Variants in KCNN2 observed in about 807,000 individuals in gnomAD.
The protein encoded by KCNN2 is small conductance calcium-activated potassium channel protein 2.
In KCNN2, 24 loss-of-function variants were observed where a neutral mutation model predicts 55.5. The ratio of observed to expected loss-of-function variants is 0.43; its 90% confidence interval spans 0.31 to 0.61. KCNN2 has a LOEUF of 0.61. Among genes scored for constraint, KCNN2 ranks in the 20% least tolerant of loss-of-function variants. The pLI is 0.08. For missense variants in KCNN2, 754 were observed against 853.6 expected, an observed-to-expected ratio of 0.88 and a Z score of 1.45; for synonymous variants, 431 against 336.1, an observed-to-expected ratio of 1.28 and a Z score of -3.09.
intron 3 of KCNN2, among the ~76,000 whole-genome samples, chr5:114,455,954 G>T (rs1760904457): frequency 6.6e-6 from 1 of 152,210 alleles, no homozygotes; most frequent in South Asian, 2.1e-4. Flanking sequence ...TTTAAGGAAA[G>T]AAACCATCTT....
intron 7 of KCNN2, among the ~76,000 whole-genome samples, chr5:114,494,115 A>G: frequency 6.6e-6 from 1 of 152,064 alleles, no homozygotes; most frequent in East Asian, 1.9e-4. Context: ...CCCATTCTTA[A>G]AACATAAATA....
intron 1 of KCNN2, among the ~76,000 whole-genome samples, chr5:114,153,537 A>G (rs1752569048): frequency 6.6e-6 from 1 of 152,184 alleles, no homozygotes; most frequent in Non-Finnish European, 1.5e-5. Flanking sequence ...GCTAGGGTTT[A>G]TGTGTTTCTT....
chr5:114,158,136 G>T (rs1019318184), intron 1 of KCNN2, among the ~76,000 whole-genome samples: 1 of 151,866 alleles, frequency 6.6e-6, no homozygotes, highest in East Asian at 1.9e-4. Context: ...TATGGTTTTA[G>T]GTCTAACATG....
At chr5:114,489,271 A>T (rs1367035155) in intron 6 of KCNN2, among the ~76,000 whole-genome samples, 1 of 152,084 alleles carries the variant, frequency 6.6e-6, no homozygotes, top group Non-Finnish European at 1.5e-5. Context: ...CTTTGCCGTT[A>T]GGTTATTACG....
intron 5 of KCNN2, among the ~76,000 whole-genome samples, chr5:114,478,073 C>G (rs1259965467): frequency 6.6e-6 from 1 of 152,092 alleles, no homozygotes; most frequent in Non-Finnish European, 1.5e-5. Context: ...GCCTCATACA[C>G]CTGACCTAAA....
intron 1 of KCNN2, among the ~76,000 whole-genome samples, chr5:114,110,537 G>T (rs777971862): frequency 6.6e-6 from 1 of 151,966 alleles, no homozygotes; most frequent in African/African-American, 2.4e-5. Context: ...TGATTGTCAG[G>T]GTACTCCTCT....
intron 1 of KCNN2, among the ~76,000 whole-genome samples, chr5:114,202,656 G>T (rs939044137): frequency 1.4e-5 from 2 of 143,446 alleles, no homozygotes; most frequent in Non-Finnish European, 3.0e-5. Flanking sequence ...GCGCGATCTC[G>T]GCTCACTGCA....
chr5:114,291,496 A>T (rs1238846100), intron 2 of KCNN2, among the ~76,000 whole-genome samples: 3 of 152,170 alleles, frequency 2.0e-5, no homozygotes, highest in African/African-American at 7.2e-5. Context: ...AATTTCATCC[A>T]TGTCCCTACA....
At chr5:114,132,510 T>G (rs1295018245) in intron 1 of KCNN2, among the ~76,000 whole-genome samples, 1 of 152,162 alleles carries the variant, frequency 6.6e-6, no homozygotes, top group African/African-American at 2.4e-5. Context: ...AATCATAAGT[T>G]TAAATCCTGA....
At chr5:114,463,344 AACAG>A (rs1761295751) in intron 4 of KCNN2, among the ~76,000 whole-genome samples, 154 bp downstream of exon 4, 1 of 152,252 alleles carries the variant, frequency 6.6e-6, no homozygotes, top group Non-Finnish European at 1.5e-5. Flanking sequence ...AGAGAATGTC[AACAG>A]TTTTCCTCTT....
At chr5:114,399,491 T>C (rs1008159784) in intron 2 of KCNN2, among the ~76,000 whole-genome samples, 1 of 152,202 alleles carries the variant, frequency 6.6e-6, no homozygotes, top group Non-Finnish European at 1.5e-5. Flanking sequence ...GCTGCTGGAT[T>C]CTGGTTGCTA....
chr5:114,185,595 A>G (rs1382775986), intron 1 of KCNN2, among the ~76,000 whole-genome samples: 1 of 152,146 alleles, frequency 6.6e-6, no homozygotes, highest in Admixed American at 6.5e-5. Flanking sequence ...CTTCTCACCC[A>G]ATAAAACCCT....
chr5:114,071,159 T>C (rs1427983516), intron 1 of KCNN2, among the ~76,000 whole-genome samples: 1 of 152,182 alleles, frequency 6.6e-6, no homozygotes, highest in African/African-American at 2.4e-5. Context: ...TATTAAAGGA[T>C]GTTATATAAT....
At chr5:114,080,435 G>C (rs759548463) in intron 1 of KCNN2, among the ~76,000 whole-genome samples, 1 of 152,128 alleles carries the variant, frequency 6.6e-6, no homozygotes, top group Non-Finnish European at 1.5e-5. Context: ...AGATGTCTGC[G>C]TGGAAAGGTT....
rs1561549606 is a variant in KCNN2, at chr5:114,273,318, C to T, written c.-185+51753C>T. On this transcript the variant is annotated intron_variant, in intron 2 of 10. Transcript: ENST00000512097. ...TGGTTCCAAGTCTTTGCTATCGTGACTAATGCTGCAATAAACATACGTGTG... is the reference window on the plus strand; with the variant it reads ...TGGTTCCAAGTCTTTGCTATCGTGATTAATGCTGCAATAAACATACGTGTG... Among the ~76,000 whole-genome samples, 2 of 152,204 alleles carry T rather than the reference C, an allele frequency of 1.3e-5. 1 individual carries two copies. The highest frequency in any genetic ancestry group is 4.1e-4 in the South Asian group (2 of 4,824).
chr5:114,481,660 G>A (rs1211958477), intron 5 of KCNN2, among the ~76,000 whole-genome samples: 3 of 152,144 alleles, frequency 2.0e-5, no homozygotes, highest in Non-Finnish European at 1.5e-5. Flanking sequence ...TAGGGCTACA[G>A]TAACTAAAAC....
chr5:114,223,178 T>C (rs1228868077), intron 2 of KCNN2, among the ~76,000 whole-genome samples: 1 of 152,186 alleles, frequency 6.6e-6, no homozygotes, highest in African/African-American at 2.4e-5. Context: ...TACATGTCAA[T>C]TGATAGCATC....
intron 1 of KCNN2, among the ~76,000 whole-genome samples, chr5:114,160,685 C>T (rs1752754368): frequency 6.6e-6 from 1 of 152,118 alleles, no homozygotes; most frequent in Non-Finnish European, 1.5e-5. Flanking sequence ...AATCTGGGTG[C>T]TCCTGTATTG....
intron 2 of KCNN2, among the ~76,000 whole-genome samples, chr5:114,276,063 T>A (rs926728485): frequency 6.6e-6 from 1 of 152,320 alleles, no homozygotes; most frequent in Middle Eastern, 3.4e-3. Context: ...AACATCTTTA[T>A]TTCTGCCTTC....
Sources: allele counts gnomAD v4.1 joint callset (sites outside exome capture counted in the v4.1 genomes callset), GRCh38; gene constraint gnomAD v4.1.1; transcripts MANE v1.5; gene names NCBI Gene and HGNC (gene_info 2026-07-23, HGNC 2026-07-21).